PACRG: variants seen among roughly 807,000 people sequenced by gnomAD.
PACRG encodes parkin coregulated, also known as parkin coregulated gene protein.
In PACRG, 29 loss-of-function variants were observed where a neutral mutation model predicts 29.7. The ratio of observed to expected loss-of-function variants is 0.98; its 90% CI spans 0.73 to 1.33. PACRG has a LOEUF of 1.33. Ranked by LOEUF, PACRG falls within the 40% of genes most tolerant of loss-of-function variation. The pLI is 0.00. For synonymous variants in PACRG, 116 were observed against 118.7 expected (o/e 0.98, Z 0.15); for missense variants, 279 against 316.2 (o/e 0.88, Z 0.89).
At chr6:162,768,656 C>T (rs1368993976) in intron 1 of PACRG, among the ~76,000 whole-genome samples, 3 of 152,050 alleles carry the variant, frequency 2.0e-5, no homozygotes, top group Non-Finnish European at 4.4e-5. Context: ...TATGGATTCT[C>T]TCTTCAGCCA....
intron 4 of PACRG, among the ~76,000 whole-genome samples, chr6:163,228,044 T>A (rs1278958359): frequency 6.6e-6 from 1 of 151,988 alleles, no homozygotes; most frequent in African/African-American, 2.4e-5. Context: ...GAGTTCAGAG[T>A]CTGGAAATGT....
chr6:163,239,979 C>T (rs548450931), intron 4 of PACRG, among the ~76,000 whole-genome samples: 34 of 149,106 alleles, frequency 2.3e-4, no homozygotes, highest in Non-Finnish European at 4.5e-4. Context: ...TCGTCACATA[C>T]ACATACACAC....
chr6:163,035,832 A>C lies in PACRG; in HGVS notation c.292-26318A>C, dbSNP rs1303547034. Among the ~76,000 whole-genome samples the C allele has an allele frequency of 4.0e-5, 6 of 151,326 alleles. No homozygotes were observed. In the East Asian group the frequency reaches 1.2e-3, roughly 29 times the overall value. ...TGTCTCAAAAAAAAAAAAAAAAAAA[A>C]AACAAAGAATGCCTTAACCGCCTGG... is the stretch of plus-strand genomic sequence containing the variant. On this transcript the variant is annotated intron_variant, in intron 2 of 4. Coordinates refer to ENST00000366888, the MANE Select transcript of PACRG (RefSeq NM_001080379.2).
intron 2 of PACRG, among the ~76,000 whole-genome samples, chr6:162,841,920 T>C (rs1789814854): frequency 1.3e-5 from 2 of 151,406 alleles, no homozygotes; most frequent in Non-Finnish European, 3.0e-5. Flanking sequence ...GTGAGATTCT[T>C]AATTCTGAGT....
chr6:162,780,463 T>C (rs1335803161), intron 1 of PACRG, among the ~76,000 whole-genome samples: 1 of 152,164 alleles, frequency 6.6e-6, no homozygotes, highest in Non-Finnish European at 1.5e-5. Flanking sequence ...TATTTATAGC[T>C]ATACTAAAAT....
intron 4 of PACRG, among the ~76,000 whole-genome samples, chr6:163,196,584 C>T (rs190772651): frequency 3.9e-5 from 6 of 152,290 alleles, no homozygotes; most frequent in Admixed American, 3.3e-4. Context: ...TAAATGTTAC[C>T]TGTTGTCGTC....
chr6:162,844,274 A>G (rs543496740), intron 2 of PACRG, among the ~76,000 whole-genome samples: 18 of 152,296 alleles, frequency 1.2e-4, no homozygotes, highest in African/African-American at 7.2e-5. Context: ...GGACCCTCCG[A>G]GCCAGGTGCG....
chr6:163,062,384 A>G, intron 3 of PACRG, 63 bp downstream of exon 3: 1 of 1,491,996 alleles, frequency 6.7e-7, no homozygotes, highest in African/African-American at 1.4e-5. Context: ...ACAACTTGCT[A>G]ATTAAGCAAT....
At chr6:163,096,304 C>T (rs1814580451) in intron 4 of PACRG, among the ~76,000 whole-genome samples, 1 of 152,178 alleles carries the variant, frequency 6.6e-6, no homozygotes, top group African/African-American at 2.4e-5. Context: ...CACGGTGAGG[C>T]TGGTTCACCT....
In PACRG at chr6:162,801,445, T is replaced by G. The variant is rs1785862944; in HGVS notation, c.157-12702T>G. Among the ~76,000 whole-genome samples, 3 of 152,082 alleles carry G rather than the reference T, an allele frequency of 2.0e-5. No individual in the cohort carries two copies. The South Asian group carries it at 6.2e-4, about 31-fold the overall frequency. ...TATTACTATCTTATACTGATAGCATTGCATCTTTCTCATAGCACCGATTAG... is the reference window on the plus strand; with the variant it reads ...TATTACTATCTTATACTGATAGCATGGCATCTTTCTCATAGCACCGATTAG... On this transcript the variant is annotated intron_variant, in intron 1 of 4. Transcript: ENST00000366888.
chr6:162,822,085 A>G (rs933692545), intron 2 of PACRG, among the ~76,000 whole-genome samples: 1 of 152,178 alleles, frequency 6.6e-6, no homozygotes, highest in Non-Finnish European at 1.5e-5. Flanking sequence ...AAGGAACTCA[A>G]AGGAACATTC....
At chr6:163,094,276 A>G (rs1814373542) in intron 4 of PACRG, among the ~76,000 whole-genome samples, 1 of 152,254 alleles carries the variant, frequency 6.6e-6, no homozygotes. Context: ...ATTCTGAACA[A>G]TTCTGCGTTC....
At chr6:162,791,848 G>A (rs1784975606) in intron 1 of PACRG, among the ~76,000 whole-genome samples, 1 of 152,166 alleles carries the variant, frequency 6.6e-6, no homozygotes, top group African/African-American at 2.4e-5. Flanking sequence ...ACACCTGGGG[G>A]TCAATCCCAG....
chr6:162,727,891 C>T (rs1779390594), upstream of PACRG: 2 of 594,980 alleles, frequency 3.4e-6, no homozygotes, highest in African/African-American at 3.8e-5. Context: ...CCCCAGCCCC[C>T]CACCGCCGCC....
At chr6:162,962,128 C>T (rs185145701) in intron 2 of PACRG, among the ~76,000 whole-genome samples, 9 of 152,112 alleles carry the variant, frequency 5.9e-5, no homozygotes, top group African/African-American at 1.9e-4. Context: ...TCTGGCCCTA[C>T]CTCATTTAAC....
chr6:162,871,703 G>A (rs1180389354), intron 2 of PACRG, among the ~76,000 whole-genome samples: 1 of 152,018 alleles, frequency 6.6e-6, no homozygotes, highest in African/African-American at 2.4e-5. Context: ...CGGATCACGA[G>A]GTCAGGAAAT....
At chr6:162,863,284 T>C (rs1160991444) in intron 2 of PACRG, among the ~76,000 whole-genome samples, 1 of 152,242 alleles carries the variant, frequency 6.6e-6, no homozygotes, top group African/African-American at 2.4e-5. Flanking sequence ...TTCCCCCATT[T>C]GTAAAACCAG....
Position 163,193,950 on chromosome 6 carries a change from T to G in PACRG, c.613+104542T>G, listed in dbSNP as rs1414935629. The stretch of plus-strand genomic sequence containing the variant: ...TTCTGTCACCCAGGCTGGAGTGCAG[T>G]GCCGCGATCTCGGCTCAGTGCAACC... On this transcript the variant is annotated intron_variant, in intron 4 of 4. Transcript: ENST00000366888. Among the ~76,000 whole-genome samples the G allele has an allele frequency of 1.3e-5, 2 of 150,314 alleles. 1 individual carries two copies. Among genetic ancestry groups the G allele is most frequent in the South Asian group, 4.2e-4 (2 of 4,730 alleles).
intron 2 of PACRG, among the ~76,000 whole-genome samples, chr6:163,049,675 C>A (rs990483112): frequency 6.6e-6 from 1 of 151,832 alleles, no homozygotes; most frequent in African/African-American, 2.4e-5. Context: ...ATACAAATGA[C>A]CTTCAAAAAT....
Sources: gnomAD v4.1 joint callset for allele counts (sites outside exome capture counted in the v4.1 genomes callset) on GRCh38, gnomAD v4.1.1 for gene constraint, MANE v1.5 for transcripts, NCBI Gene and HGNC (gene_info 2026-07-23, HGNC 2026-07-21) for gene names.